The following PIK3CB variants were observed in gnomAD, a reference collection of about 807,000 sequenced individuals.
PIK3CB encodes the protein phosphatidylinositol-4,5-bisphosphate 3-kinase catalytic subunit beta, also known as phosphatidylinositol 4,5-bisphosphate 3-kinase catalytic subunit beta isoform.
Under a neutral mutation model 136.8 loss-of-function variants are expected in PIK3CB, and 39 were observed. The ratio of observed to expected loss-of-function variants is 0.29; its 90% confidence interval spans 0.22 to 0.37. PIK3CB has a LOEUF of 0.37. Ranked by LOEUF, PIK3CB falls within the 10% of genes least tolerant of loss-of-function variation. The pLI is 1.00. For missense variants in PIK3CB, 868 were observed against 1,275.4 expected, an observed-to-expected ratio of 0.68 and a Z score of 4.87; for synonymous variants, 428 against 436.6, an observed-to-expected ratio of 0.98 and a Z score of 0.25.
At chr3:138,825,281 T>C (rs1933733667) in intron 1 of PIK3CB, 5 of 461,424 alleles carry the variant, frequency 1.1e-5, no homozygotes, top group African/African-American at 7.9e-5. Flanking sequence ...CTGACTGTGC[T>C]GTTCTGATTG....
At chr3:138,828,143 T>C (rs1933865255) in intron 1 of PIK3CB, among the ~76,000 whole-genome samples, 1 of 152,046 alleles carries the variant, frequency 6.6e-6, no homozygotes, top group South Asian at 2.1e-4. Context: ...TTAGAACTAA[T>C]TTCATTCCTA....
intron 20 of PIK3CB, 53 bp from the exon 21 acceptor site, chr3:138,664,082 T>G: frequency 6.3e-7 from 1 of 1,596,418 alleles, no homozygotes; most frequent in Non-Finnish European, 8.5e-7. Context: ...TCCAAGCGTG[T>G]AGAGTGAGAC....
chr3:138,717,483 T>C (rs2044636600), intron 8 of PIK3CB, among the ~76,000 whole-genome samples: 1 of 152,046 alleles, frequency 6.6e-6, no homozygotes, highest in Non-Finnish European at 1.5e-5. Flanking sequence ...CCACAGTCAA[T>C]CCAAAACTCA....
At chr3:138,808,958 A>G (rs1024806150) in intron 1 of PIK3CB, among the ~76,000 whole-genome samples, 4 of 151,408 alleles carry the variant, frequency 2.6e-5, no homozygotes, top group Non-Finnish European at 5.9e-5. Flanking sequence ...AAGATCTATG[A>G]AAAAAAAATT....
rs1220487248 is a variant in PIK3CB, at chr3:138,662,481, T to C, written c.2796+1425A>G. Reference sequence around the variant, plus strand: ...GCTGCATAGTATTCCATGGTATATATGTGCCACATTTTCTTAATCCAGTCT... The same window carrying C: ...GCTGCATAGTATTCCATGGTATATACGTGCCACATTTTCTTAATCCAGTCT... On this transcript the variant is annotated intron_variant, in intron 21 of 23. Transcript: ENST00000674063. Among the ~76,000 whole-genome samples, 112 of 151,384 alleles carry C rather than the reference T, an allele frequency of 7.4e-4. 1 individual carries two copies. The highest frequency in any genetic ancestry group is 6.8e-3 in the Middle Eastern group (2 of 294).
At position 138,759,434 on chromosome 3, in the gene PIK3CB, A is replaced by C. The variant is rs534893777; in HGVS notation, c.-16-75T>G. The C allele has an allele frequency of 1.4e-4, 127 of 927,474 alleles. 4 individuals are homozygous for C. The highest frequency in any genetic ancestry group is 1.3e-3 in the South Asian group (69 of 51,610). 57.5% of individuals were successfully genotyped at this position (927,474 alleles called of 1,614,324 possible). ...ATACCAAGATATGATAAAGACCACTAATCTACAATTAGTCCTTAGATTTCA... is the reference window on the plus strand; with the variant it reads ...ATACCAAGATATGATAAAGACCACTCATCTACAATTAGTCCTTAGATTTCA... On this transcript the variant is annotated intron_variant, in intron 2 of 23. Transcript: ENST00000674063.
At chr3:138,706,666 C>T (rs1559829857) in intron 11 of PIK3CB, among the ~76,000 whole-genome samples, 4 of 151,890 alleles carry the variant, frequency 2.6e-5, no homozygotes, top group South Asian at 4.2e-4. Context: ...TTCTCTCTCT[C>T]TTTTTTTTGA....
chr3:138,741,822 C>T (rs957834117), intron 5 of PIK3CB, among the ~76,000 whole-genome samples: 2 of 149,360 alleles, frequency 1.3e-5, no homozygotes, highest in African/African-American at 2.5e-5. Flanking sequence ...AGCAAGACTC[C>T]GTCTAAAAAA....
chr3:138,714,363 T>C, intron 9 of PIK3CB, 105 bp downstream of exon 9: 1 of 689,034 alleles, frequency 1.5e-6, no homozygotes, highest in East Asian at 3.0e-5. Context: ...TTTTTAAGGA[T>C]CAAAGTTACC....
chr3:138,656,357 C>A (rs2043191941), intron 22 of PIK3CB, 83 bp from the exon 23 acceptor site: 2 of 1,394,020 alleles, frequency 1.4e-6, no homozygotes, highest in East Asian at 4.7e-5. Flanking sequence ...GAAAACACAG[C>A]TAGACTTTCT....
Position 138,667,516 on chromosome 3 carries a change from C to T in PIK3CB, c.2505-2313G>A, listed in dbSNP as rs182318024. Among the ~76,000 whole-genome samples, 24 of 151,772 alleles carry T rather than the reference C, an allele frequency of 1.6e-4. No homozygotes were observed. The East Asian group carries it at 4.5e-3, about 28-fold the overall frequency. On this transcript the variant is annotated intron_variant, in intron 19 of 23. Transcript: ENST00000674063. ...AATTAAACAGTTTCTAAAAGTCCTTCAAAAAAATTGAATTATTTTATGCTT... is the reference window on the plus strand; with the variant it reads ...AATTAAACAGTTTCTAAAAGTCCTTTAAAAAAATTGAATTATTTTATGCTT...
At chr3:138,733,916 CT>C (rs1374593392) in intron 7 of PIK3CB, among the ~76,000 whole-genome samples, 1 of 152,070 alleles carries the variant, frequency 6.6e-6, no homozygotes, top group East Asian at 1.9e-4. Flanking sequence ...ATTATAACCC[CT>C]AGCACTTGGC....
At chr3:138,764,884 C>T (rs564587317) in intron 2 of PIK3CB, among the ~76,000 whole-genome samples, 2 of 152,350 alleles carry the variant, frequency 1.3e-5, no homozygotes, top group South Asian at 4.1e-4. Flanking sequence ...TGTGACAACA[C>T]TGGAGCACAC....
intron 1 of PIK3CB, chr3:138,825,759 C>A: frequency 1.3e-6 from 1 of 743,264 alleles, no homozygotes; most frequent in South Asian, 1.6e-5. Context: ...CTGGTGTTCT[C>A]AAACCCGGAA....
rs533073461 is a variant in PIK3CB at position 138,717,506 on chromosome 3, A to G, written c.1051-2787T>C. Among the ~76,000 whole-genome samples, 19 of 150,402 alleles carry G rather than the reference A, an allele frequency of 1.3e-4. No homozygotes were observed. The South Asian group carries it at 3.8e-3, about 30-fold the overall frequency. On this transcript the variant is annotated intron_variant, in intron 8 of 23. Coordinates refer to ENST00000674063, the MANE Select transcript of PIK3CB (RefSeq NM_006219.3). ...AATCCAAAACTCATTAAATGAAACC[A>G]TGAATGAAAATAGAAATTTTTTGTG...
At chr3:138,699,150 C>T in intron 12 of PIK3CB, 55 bp from the exon 13 acceptor site, 1 of 642,144 alleles carries the variant, frequency 1.6e-6, no homozygotes, top group South Asian at 4.7e-5. Flanking sequence ...CCACAGCGAA[C>T]TTTCAGTAAA....
intron 2 of PIK3CB, among the ~76,000 whole-genome samples, chr3:138,764,612 A>G (rs981063956): frequency 4.6e-5 from 7 of 152,170 alleles, no homozygotes; most frequent in Non-Finnish European, 8.8e-5. Context: ...TTGAATTATG[A>G]GAATGAATTC....
chr3:138,753,864 A>T (rs1055952530), intron 4 of PIK3CB, among the ~76,000 whole-genome samples: 4 of 152,220 alleles, frequency 2.6e-5, no homozygotes, highest in Non-Finnish European at 5.9e-5. Flanking sequence ...TTGGATTAAC[A>T]AATATTTTAG....
At chr3:138,690,422 C>A (rs908663801) in intron 15 of PIK3CB, among the ~76,000 whole-genome samples, 1 of 151,544 alleles carries the variant, frequency 6.6e-6, no homozygotes, top group Non-Finnish European at 1.5e-5. Flanking sequence ...CCTTAGAAAA[C>A]AAAGGAATAA....
Sources: allele counts gnomAD v4.1 joint callset (sites outside exome capture counted in the v4.1 genomes callset), GRCh38; gene constraint gnomAD v4.1.1; transcripts MANE v1.5; gene names NCBI Gene and HGNC (gene_info 2026-07-23, HGNC 2026-07-21).